The following PSMG2 variants were observed in gnomAD, a reference collection of about 807,000 sequenced individuals.
PSMG2 encodes the protein CD40 ligand-activated specific transcript 3.
A neutral mutation model predicts 31.5 loss-of-function variants in PSMG2; 21 were observed. The ratio of observed to expected loss-of-function variants is 0.67; its 90% confidence interval spans 0.47 to 0.96. The LOEUF is 0.96. Ranked by LOEUF, PSMG2 falls within the 40% of genes least tolerant of loss-of-function variation. The probability of loss-of-function intolerance (pLI) is 0.00; values close to 1 mark genes in which losing one functional copy is unlikely to be tolerated. For synonymous variants in PSMG2, 120 were observed against 110.4 expected, an observed-to-expected ratio of 1.09 and a Z score of -0.54; for missense variants, 318 against 321.2, an observed-to-expected ratio of 0.99 and a Z score of 0.08.
intron 3 of PSMG2, among the ~76,000 whole-genome samples, chr18:12,715,537 C>G: frequency 6.6e-6 from 1 of 152,114 alleles, no homozygotes. Context: ...TGGAGTCTTG[C>G]TCTTGTCGCC....
intron 1 of PSMG2, among the ~76,000 whole-genome samples, chr18:12,682,369 T>C (rs1414441136): frequency 6.6e-6 from 1 of 152,092 alleles, no homozygotes; most frequent in Admixed American, 6.5e-5. Flanking sequence ...TTTGTGTTTT[T>C]GTAGAGACAA....
chr18:12,678,208 A>G (rs1286866716), intron 1 of PSMG2: 1 of 1,614,122 alleles, frequency 6.2e-7, no homozygotes, highest in Non-Finnish European at 8.5e-7. Flanking sequence ...GAAAGGGAGG[A>G]AGGGATGTTG....
chr18:12,671,332 GAATT>G (rs1568006875), intron 1 of PSMG2, among the ~76,000 whole-genome samples: 3 of 152,024 alleles, frequency 2.0e-5, no homozygotes, highest in South Asian at 4.1e-4. Context: ...GTGATTAAAA[GAATT>G]AATAACTTGG....
At chr18:12,712,423 C>G (rs961992281) in intron 2 of PSMG2, among the ~76,000 whole-genome samples, 3 of 152,104 alleles carry the variant, frequency 2.0e-5, no homozygotes, top group African/African-American at 7.2e-5. Flanking sequence ...GAATACTTCT[C>G]TGGTTTTGCA....
intron 4 of PSMG2, among the ~76,000 whole-genome samples, chr18:12,719,630 C>T (rs566788880): frequency 1.3e-5 from 2 of 150,944 alleles, no homozygotes; most frequent in East Asian, 2.0e-4. Context: ...TCAGGTAATT[C>T]GCCTGCTGGG....
At chr18:12,722,553 T>G (rs2040440686) in intron 5 of PSMG2, among the ~76,000 whole-genome samples, 1 of 152,176 alleles carries the variant, frequency 6.6e-6, no homozygotes, top group Non-Finnish European at 1.5e-5. Context: ...AAGAACAGCT[T>G]CTGGTTAGCT....
At chr18:12,705,352 C>T (rs1301378641) in intron 1 of PSMG2, among the ~76,000 whole-genome samples, 1 of 152,096 alleles carries the variant, frequency 6.6e-6, no homozygotes, top group Non-Finnish European at 1.5e-5. Context: ...GCATGAGACA[C>T]CATGCCCGGC....
At chr18:12,702,792 C>T (rs966462168), upstream of PSMG2, 93 of 570,212 alleles carry the variant, frequency 1.6e-4, no homozygotes, top group African/African-American at 1.5e-3. Flanking sequence ...GGGGCTGGCC[C>T]GCACGCTGCC....
chr18:12,698,149 CTT>C (rs1020825713), upstream of PSMG2, among the ~76,000 whole-genome samples: 1 of 149,220 alleles, frequency 6.7e-6, no homozygotes, highest in Admixed American at 6.6e-5. Context: ...CTAAATTTGA[CTT>C]TTTATTTTAT....
At chr18:12,687,096 G>C (rs2039565164) in intron 1 of PSMG2, among the ~76,000 whole-genome samples, 1 of 152,128 alleles carries the variant, frequency 6.6e-6, no homozygotes, top group Non-Finnish European at 1.5e-5. Context: ...TGATTTTACA[G>C]TGAGTATTAC....
chr18:12,666,525 T>A (rs1288871884), intron 1 of PSMG2, among the ~76,000 whole-genome samples: 1 of 147,664 alleles, frequency 6.8e-6, no homozygotes, highest in Non-Finnish European at 1.5e-5. Context: ...TGAAGCCTCC[T>A]AACGTCCCGC....
chr18:12,707,973 C>T (rs887905535), intron 2 of PSMG2, among the ~76,000 whole-genome samples: 2 of 152,106 alleles, frequency 1.3e-5, no homozygotes, highest in Non-Finnish European at 2.9e-5. Flanking sequence ...GGATAAAGGA[C>T]TATAAATGGT....
intron 1 of PSMG2, among the ~76,000 whole-genome samples, chr18:12,697,793 T>A (rs2040007869): frequency 6.6e-6 from 1 of 151,994 alleles, no homozygotes; most frequent in Middle Eastern, 3.2e-3. Flanking sequence ...TATCACTGTA[T>A]AATTGACATA....
intron 1 of PSMG2, chr18:12,678,012 G>A: frequency 1.1e-6 from 1 of 896,138 alleles, no homozygotes; most frequent in Non-Finnish European, 1.7e-6. Context: ...TTTGTTCAGG[G>A]CTAGAATAGT....
At chr18:12,678,362 CCA>C in intron 1 of PSMG2, 1 of 1,614,106 alleles carries the variant, frequency 6.2e-7, no homozygotes, top group Non-Finnish European at 8.5e-7. Flanking sequence ...GAAAACACAA[CCA>C]ATTGTTCGAT....
intron 1 of PSMG2, among the ~76,000 whole-genome samples, chr18:12,706,240 G>GGGTGGATCACCTGAGGTC (rs1568039871): frequency 3.3e-5 from 5 of 152,130 alleles, no homozygotes; most frequent in African/African-American, 9.7e-5. Context: ...AGGCTGAGGC[G>GGGTGGATCACCTGAGGTC]GGTGGATCAC....
At chr18:12,691,477 T>C (rs771855560) in intron 1 of PSMG2, 2 of 1,593,276 alleles carry the variant, frequency 1.3e-6, no homozygotes, top group East Asian at 2.2e-5. Flanking sequence ...TTTCTGACGT[T>C]CCAAAGCAAG....
At chr18:12,665,985 G>A (rs979926271) in intron 1 of PSMG2, among the ~76,000 whole-genome samples, 1 of 144,806 alleles carries the variant, frequency 6.9e-6, no homozygotes, top group African/African-American at 2.5e-5. Flanking sequence ...GTGAGCCACC[G>A]TGCCCGGCCC....
chr18:12,703,300 CAG>C, intron 1 of PSMG2, 136 bp downstream of exon 1: 8 of 1,087,454 alleles, frequency 7.4e-6, no homozygotes, highest in Non-Finnish European at 1.0e-5. Flanking sequence ...CCGGAAAAAA[CAG>C]GGAGGTTGTA....
Sources: allele counts gnomAD v4.1 joint callset (sites outside exome capture counted in the v4.1 genomes callset), GRCh38; gene constraint gnomAD v4.1.1; transcripts MANE v1.5; gene names NCBI Gene and HGNC (gene_info 2026-07-23, HGNC 2026-07-21).